CLCC1: variants seen among roughly 807,000 people sequenced by gnomAD.
The protein encoded by CLCC1 is chloride channel CLIC-like protein 1.
Under a neutral mutation model 63.3 loss-of-function variants are expected in CLCC1, and 39 were observed. The observed-to-expected ratio is 0.62, with a 90% CI of 0.48 to 0.81. The LOEUF (loss-of-function observed/expected upper bound fraction) is 0.81. Among genes scored for constraint, CLCC1 ranks in the 30% least tolerant of loss-of-function variants. CLCC1 has a pLI of 0.00. For synonymous variants in CLCC1, 217 were observed against 239.8 expected (o/e 0.90, Z 0.88); for missense variants, 549 against 669.4 (o/e 0.82, Z 1.98).
intron 9 of CLCC1, 93 bp downstream of exon 9, chr1:108,939,952 C>T: frequency 7.8e-7 from 1 of 1,283,236 alleles, no homozygotes. Context: ...TGGACAAACG[C>T]TTATTAGCAA....
chr1:108,946,446 T>G (rs1654551425), intron 5 of CLCC1, among the ~76,000 whole-genome samples: 1 of 152,248 alleles, frequency 6.6e-6, no homozygotes, highest in African/African-American at 2.4e-5. Context: ...AGTGTACGTA[T>G]GAGAACGCAT....
Position 108,929,691 on chromosome 1 carries a change from A to G in CLCC1, c.*2856T>C, listed in dbSNP as rs1651564377. The G allele has an allele frequency of 5.0e-6, 8 of 1,612,358 alleles. No homozygotes were observed. Among genetic ancestry groups the G allele is most frequent in the Non-Finnish European group, 6.8e-6 (8 of 1,178,538 alleles). On this transcript the variant is annotated 3_prime_UTR_variant, in exon 13 of 13. Transcript: ENST00000369969. ...CAGTATGTCTTTTAATCTCTCTCAT[A>G]AACTTCTAGGGATCCAGATTAGATG...
At chr1:108,961,727 C>T (rs543308162) in intron 2 of CLCC1, among the ~76,000 whole-genome samples, 81 of 152,052 alleles carry the variant, frequency 5.3e-4, no homozygotes, top group African/African-American at 1.9e-3. Flanking sequence ...GGCGTGGTGG[C>T]GCATGCCTGT....
At position 108,937,229 on chromosome 1, in the gene CLCC1, G is replaced by A. The variant is rs979595726; in HGVS notation, c.1231C>T (p.Pro411Ser). 8 of 1,613,780 alleles carry A rather than the reference G, an allele frequency of 5.0e-6. No individual in the cohort carries two copies. The highest frequency in any genetic ancestry group is 5.9e-6 in the Non-Finnish European group (7 of 1,179,906). ...RGQMGPTEQG[P>S]YAKTYEGRRE... ...CTACCCTCATACGTTTTGGCATAAG[G>A]GCCTTGCTCAGTGGGGCCCATTTGG... The change falls in exon 11 of 13, where the codon CCT becomes TCT. Residue 411 changes from proline (P) to serine (S), a missense_variant. Pro to Ser is a moderately conservative substitution (Grantham distance 74). Transcript: ENST00000369969.
Position 108,937,387 on chromosome 1 carries a change from T to G in CLCC1, c.1073A>C (p.His358Pro), listed in dbSNP as rs1297483946. The G allele has an allele frequency of 6.2e-7, 1 of 1,610,072 alleles. No homozygotes were observed. The highest frequency in any genetic ancestry group is 1.1e-5 in the South Asian group (1 of 90,404). The change falls in exon 11 of 13, where the codon CAT (histidine) becomes CCT (proline). Residue 358 changes from histidine (H) to proline (P), a missense_variant. His to Pro is a moderately conservative substitution (Grantham distance 77). Coordinates refer to ENST00000369969, the MANE Select transcript of CLCC1 (RefSeq NM_001377458.1). The part of the protein sequence containing the change: ...SFCYGAGKSV[H>P]VLRHIGGPES... ...AGGACCGCCTATATGTCTCAGCACA[T>G]GAACTGATTTTCCAGCACCATAGCA...
chr1:108,943,725 A>G (rs1654155607), intron 6 of CLCC1, 110 bp from the exon 7 acceptor site: 1 of 1,466,800 alleles, frequency 6.8e-7, no homozygotes, highest in South Asian at 1.2e-5. Flanking sequence ...CTTGTTCATC[A>G]ATACGGTATA....
chr1:108,949,996 A>C, intron 3 of CLCC1, 75 bp from the exon 4 acceptor site: 1 of 887,518 alleles, frequency 1.1e-6, no homozygotes, highest in South Asian at 1.6e-5. Context: ...ATGAAGACTA[A>C]GATTCTGACT....
At chr1:108,946,178 C>T (rs542340854) in intron 5 of CLCC1, among the ~76,000 whole-genome samples, 17 of 152,048 alleles carry the variant, frequency 1.1e-4, no homozygotes, top group Non-Finnish European at 2.1e-4. Context: ...GGCATGGTGG[C>T]GGGTGCCTGT....
In CLCC1 at chr1:108,931,239, AC is replaced by A. The variant is rs2101587238; in HGVS notation, c.*1307del. The A allele has an allele frequency of 7.1e-7, 1 of 1,408,930 alleles. No individual in the cohort carries two copies. Among genetic ancestry groups the A allele is most frequent in the East Asian group, 2.5e-5 (1 of 39,772 alleles). 87.3% of individuals were successfully genotyped at this position (1,408,930 alleles called of 1,614,324 possible). ...ACAAACAGAAAACAGATGAAAACTC[AC>A]AAAAATTAAATATGAAAGAAAGATG... is the stretch of plus-strand genomic sequence containing the variant. On this transcript the variant is annotated 3_prime_UTR_variant, in exon 13 of 13. Transcript: ENST00000369969.
chr1:108,940,235 A>G lies in CLCC1; in HGVS notation c.797-93T>C, dbSNP rs1478975142. 7.3e-6 allele frequency: 5 copies of G among 685,602 alleles called. No individual in the cohort carries two copies. In the African/African-American group the frequency reaches 9.1e-5, roughly 13 times the overall value. 42.5% of individuals were successfully genotyped at this position (685,602 alleles called of 1,614,324 possible). A position where few individuals can be genotyped will look rare whatever the true frequency, so the allele number is the denominator to read the frequency against. ...ATTACTTTGGTTTTGACCCTCCCTGACCACCCACCAATGAGTTTTAAATTA... is the reference window on the plus strand; with the variant it reads ...ATTACTTTGGTTTTGACCCTCCCTGGCCACCCACCAATGAGTTTTAAATTA... On this transcript the variant is annotated intron_variant, in intron 8 of 12. Coordinates refer to ENST00000369969, the MANE Select transcript of CLCC1 (RefSeq NM_001377458.1).
In CLCC1 at chr1:108,931,589, A is replaced by T; in HGVS notation, c.*958T>A. The T allele has an allele frequency of 5.6e-6, 8 of 1,419,276 alleles. 1 individual carries two copies. In the South Asian group the frequency reaches 1.2e-4, roughly 22 times the overall value. The allele number at this position is 1,419,276 out of a possible 1,614,324, so 87.9% of individuals were successfully genotyped here. ...TTTCTCTAATGGCCAATGTTTTTTA[A>T]GAGTCATAACCTGGAATTAATTACA... On this transcript the variant is annotated 3_prime_UTR_variant, in exon 13 of 13. Transcript: ENST00000369969.
At chr1:108,960,078 G>A (rs1656430587) in intron 2 of CLCC1, among the ~76,000 whole-genome samples, 1 of 152,086 alleles carries the variant, frequency 6.6e-6, no homozygotes, top group Non-Finnish European at 1.5e-5. Context: ...AAGCTGCACT[G>A]AGCCGAGATC....
At chr1:108,938,224 C>T (rs1442194766) in intron 10 of CLCC1, among the ~76,000 whole-genome samples, 3 of 152,136 alleles carry the variant, frequency 2.0e-5, no homozygotes, top group African/African-American at 7.2e-5. Context: ...GTCCTGAGAA[C>T]AGAAACTTTG....
chr1:108,935,428 G>A (rs192786016), intron 11 of CLCC1, among the ~76,000 whole-genome samples: 2 of 152,264 alleles, frequency 1.3e-5, no homozygotes, highest in East Asian at 3.9e-4. Flanking sequence ...GCTGAATGTG[G>A]GTGGGCTGGC....
intron 11 of CLCC1, among the ~76,000 whole-genome samples, chr1:108,936,170 G>A (rs905136942): frequency 1.5e-5 from 2 of 132,790 alleles, no homozygotes; most frequent in Non-Finnish European, 3.0e-5. Flanking sequence ...TCGGCTCACT[G>A]CAACCTCCGC....
intron 1 of CLCC1, 114 bp from the exon 2 acceptor site, chr1:108,962,583 T>C (rs1468893840): frequency 6.6e-6 from 1 of 152,176 alleles, no homozygotes; most frequent in Non-Finnish European, 1.5e-5. Flanking sequence ...CAAATCAGAT[T>C]TGGAGCCAGG....
At position 108,963,321 on chromosome 1, in the gene CLCC1, C is replaced by G. The variant is rs1004200776; in HGVS notation, c.-173+40G>C. On this transcript the variant is annotated intron_variant, in intron 1 of 12. Transcript: ENST00000369969. ...CCAGGGCGTAACGGCGGGTAACCCG[C>G]CCCACCCGCCGCACAACACACCCAA... The G allele has an allele frequency of 5.8e-6, 4 of 685,076 alleles. No individual in the cohort carries two copies. The African/African-American group carries it at 7.0e-5, about 12-fold the overall frequency. The allele number at this position is 685,076 out of a possible 1,614,324, so 42.4% of individuals were successfully genotyped here. A position where few individuals can be genotyped will look rare whatever the true frequency, so the allele number is the denominator to read the frequency against.
Position 108,929,957 on chromosome 1 carries a change from T to C in CLCC1, c.*2590A>G. ...GACCATTAGTTACTATGGATTTATT[T>C]TTTTTCCTTTCAAACACGGTAAGGA... On this transcript the variant is annotated 3_prime_UTR_variant, in exon 13 of 13. Coordinates refer to ENST00000369969, the MANE Select transcript of CLCC1 (RefSeq NM_001377458.1). The C allele has an allele frequency of 6.2e-7, 1 of 1,609,058 alleles. No homozygotes were observed. The highest frequency in any genetic ancestry group is 2.2e-5 in the East Asian group (1 of 44,832).
intron 11 of CLCC1, among the ~76,000 whole-genome samples, chr1:108,936,209 C>T (rs1652967910): frequency 6.7e-6 from 1 of 150,242 alleles, no homozygotes; most frequent in South Asian, 2.1e-4. Flanking sequence ...TCTCCTGTCT[C>T]AGCCTCCCAA....
Sources: gnomAD v4.1 joint callset for allele counts (sites outside exome capture counted in the v4.1 genomes callset) on GRCh38, gnomAD v4.1.1 for gene constraint, MANE v1.5 for transcripts, NCBI Gene and HGNC (gene_info 2026-07-23, HGNC 2026-07-21) for gene names.